Variants in KIF27 observed in about 807,000 individuals in gnomAD.
KIF27 encodes the protein kinesin family member 27.
KIF27 carries 84 observed loss-of-function variants against 141.8 expected under a neutral mutation model. That is an observed-to-expected ratio of 0.59 (90% CI 0.50 to 0.71). The LOEUF (loss-of-function observed/expected upper bound fraction) is 0.71, where lower values mean the gene tolerates loss of function less well. Ranked by LOEUF, KIF27 falls within the 30% of genes least tolerant of loss-of-function variation. The pLI, the probability that KIF27 is intolerant of heterozygous loss-of-function variation, is 0.00. For synonymous variants in KIF27, 471 were observed against 569.5 expected, an observed-to-expected ratio of 0.83 and a Z score of 2.46; for missense variants, 1,306 against 1,628.4, an observed-to-expected ratio of 0.80 and a Z score of 3.41.
intron 9 of KIF27, among the ~76,000 whole-genome samples, chr9:83,885,895 A>G (rs1336995278): frequency 6.6e-6 from 1 of 151,634 alleles, no homozygotes; most frequent in Non-Finnish European, 1.5e-5. Flanking sequence ...AGTAGCTGCT[A>G]TTCAAGAAAA....
At chr9:83,907,977 T>C (rs1247606287) in intron 3 of KIF27, among the ~76,000 whole-genome samples, 1 of 152,052 alleles carries the variant, frequency 6.6e-6, no homozygotes, top group Admixed American at 6.6e-5. Context: ...TAAGAGAGAT[T>C]AATAGGCTGG....
rs1952672731 is a variant in KIF27 at position 83,891,467 on chromosome 9, T to A, written c.1637A>T (p.Asp546Val). 1 of 1,613,510 alleles carries A rather than the reference T, an allele frequency of 6.2e-7. No individual in the cohort carries two copies. Among genetic ancestry groups the A allele is most frequent in the Non-Finnish European group, 8.5e-7 (1 of 1,179,742 alleles). ...EKIIEQQLLV[D>V]QLSEELTKLN... ...TTTTGTTAGTTCTTCACTCAGTTGA[T>A]CCACAAGAAGTTGTTGTTCTATTAT... Residue 546 changes from aspartate (D) to valine (V), a missense_variant, in exon 6 of 18, where the codon GAT becomes GTT. This residue lies in a region of KIF27 where 596 missense variants were observed against 751.6 expected (regional missense o/e 0.79). Coordinates refer to ENST00000297814, the MANE Select transcript of KIF27 (RefSeq NM_017576.4).
intron 17 of KIF27, among the ~76,000 whole-genome samples, chr9:83,840,183 G>A (rs956979876): frequency 1.3e-5 from 2 of 152,068 alleles, no homozygotes; most frequent in African/African-American, 4.8e-5. Flanking sequence ...TTTAAAGCAT[G>A]GGCAAAATAT....
Position 83,834,243 on chromosome 9 carries a change from CAT to C in KIF27, c.*2756_*2757del, listed in dbSNP as rs1945549694. Among the ~76,000 whole-genome samples the C allele has an allele frequency of 6.6e-6, 1 of 151,956 alleles. No homozygotes were observed. The highest frequency in any genetic ancestry group is 2.1e-4 in the South Asian group (1 of 4,824). On this transcript the variant is annotated 3_prime_UTR_variant, in exon 18 of 18. Transcript: ENST00000297814. ...GAAAAAGCATGTGAAAAAGTAAAATCATTATTAGTATATGTAAAAAAATAATT... is the reference window on the plus strand; with the variant it reads ...GAAAAAGCATGTGAAAAAGTAAAATCTATTAGTATATGTAAAAAAATAATT...
chr9:83,842,016 GCAGA>G (rs532275402), intron 17 of KIF27, among the ~76,000 whole-genome samples: 21 of 152,268 alleles, frequency 1.4e-4, no homozygotes, highest in Admixed American at 1.0e-3. Context: ...CTGGCACATG[GCAGA>G]CAATCAATAA....
intron 13 of KIF27, among the ~76,000 whole-genome samples, chr9:83,865,202 C>T (rs905261284): frequency 1.3e-5 from 2 of 152,120 alleles, no homozygotes; most frequent in African/African-American, 4.8e-5. Flanking sequence ...GGATCTTGGG[C>T]TTTCTGGATT....
At chr9:83,869,587 C>T (rs1484454192) in intron 12 of KIF27, among the ~76,000 whole-genome samples, 25 of 152,022 alleles carry the variant, frequency 1.6e-4, no homozygotes, top group Admixed American at 8.5e-4. Context: ...ATTAGCCAGG[C>T]GTGGTGGTGG....
chr9:83,885,215 C>T (rs1174207663), intron 9 of KIF27, among the ~76,000 whole-genome samples: 3 of 152,146 alleles, frequency 2.0e-5, no homozygotes, highest in Non-Finnish European at 4.4e-5. Flanking sequence ...GCCACAGCCT[C>T]CTGAGTAGCT....
chr9:83,898,426 T>G (rs1224552697), intron 5 of KIF27, among the ~76,000 whole-genome samples: 1 of 152,156 alleles, frequency 6.6e-6, no homozygotes, highest in Non-Finnish European at 1.5e-5. Context: ...GATACATATT[T>G]AGATAGTAAA....
At chr9:83,847,722 G>A (rs1382283968) in intron 16 of KIF27, 2 of 152,064 alleles carry the variant, frequency 1.3e-5, no homozygotes, top group Non-Finnish European at 2.9e-5. Flanking sequence ...AGCTGCCAAT[G>A]AATATAAAGC....
chr9:83,901,117 C>T (rs1326408642), intron 4 of KIF27, among the ~76,000 whole-genome samples: 3 of 152,086 alleles, frequency 2.0e-5, no homozygotes, highest in Admixed American at 6.6e-5. Flanking sequence ...TGCCACCATG[C>T]CTGGCTAGTT....
chr9:83,920,705 GACTTAAAAGGTGTT>G (rs1427906708), intron 1 of KIF27, among the ~76,000 whole-genome samples: 10 of 152,334 alleles, frequency 6.6e-5, no homozygotes, highest in African/African-American at 2.4e-4. Flanking sequence ...CAACACTGGA[GACTTAAAAGGTGTT>G]ACTTAAAAGG....
intron 12 of KIF27, chr9:83,868,338 T>C (rs1950530832): frequency 6.6e-6 from 1 of 152,476 alleles, no homozygotes; most frequent in Non-Finnish European, 1.5e-5. Flanking sequence ...CAATAAAATG[T>C]TAAATGAATG....
intron 13 of KIF27, among the ~76,000 whole-genome samples, chr9:83,861,399 A>C (rs1220599069): frequency 6.7e-6 from 1 of 149,910 alleles, no homozygotes; most frequent in East Asian, 2.0e-4. Context: ...CTCATTGTTC[A>C]ATTCCCACCT....
chr9:83,870,532 A>T lies in KIF27; in HGVS notation c.2744T>A (p.Ile915Lys). The T allele has an allele frequency of 1.2e-6, 2 of 1,613,860 alleles. No individual in the cohort carries two copies. The highest frequency in any genetic ancestry group is 1.7e-6 in the Non-Finnish European group (2 of 1,179,822). Residue 915 changes from isoleucine to lysine, a missense_variant, in exon 12 of 18, where the codon ATA (isoleucine) becomes AAA (lysine). Physicochemically the swap from Ile to Lys is moderately radical, Grantham distance 102 (BLOSUM62 -3). Around this residue, in one of 4 missense-constraint regions of KIF27, gnomAD observed 596 missense variants for 751.6 expected, o/e 0.79. Transcript: ENST00000297814. Reference sequence around the variant, plus strand: ...GAATTGACAAACCTGGAGATGGTCTATACTTCCAAACGAACCTTTTCTCCT... The same window carrying T: ...GAATTGACAAACCTGGAGATGGTCTTTACTTCCAAACGAACCTTTTCTCCT... ...LKRRKGSFGS[I>K]DHLQKLDEQK...
At chr9:83,909,486 T>C (rs1182179787) in intron 2 of KIF27, among the ~76,000 whole-genome samples, 2 of 151,998 alleles carry the variant, frequency 1.3e-5, no homozygotes, top group Non-Finnish European at 2.9e-5. Flanking sequence ...TGGTGGCCCA[T>C]GCCTGTAATC....
At chr9:83,918,328 G>T (rs1013519056) in intron 1 of KIF27, among the ~76,000 whole-genome samples, 5 of 146,102 alleles carry the variant, frequency 3.4e-5, no homozygotes, top group African/African-American at 1.3e-4. Flanking sequence ...AGAAATGGGG[G>T]GGGGGCAGGA....
At chr9:83,842,596 G>C (rs1040594828) in intron 16 of KIF27, among the ~76,000 whole-genome samples, 195 bp from the exon 17 acceptor site, 4 of 152,124 alleles carry the variant, frequency 2.6e-5, no homozygotes, top group African/African-American at 9.7e-5. Context: ...CTCCCAAGCA[G>C]CTGGGACTAC....
chr9:83,891,640 T>C (rs1011960696), intron 5 of KIF27, 139 bp from the exon 6 acceptor site: 8 of 834,338 alleles, frequency 9.6e-6, no homozygotes, highest in Non-Finnish European at 1.3e-5. Flanking sequence ...AGAGACTAGC[T>C]CTCTGGTGTT....
Sources: allele counts gnomAD v4.1 joint callset (sites outside exome capture counted in the v4.1 genomes callset), GRCh38; gene constraint gnomAD v4.1.1; regional missense constraint gnomAD v4.1.1; transcripts MANE v1.5; gene names NCBI Gene and HGNC (gene_info 2026-07-23, HGNC 2026-07-21).